The following SLC17A5 variants were observed in gnomAD, a reference collection of about 807,000 sequenced individuals.
SLC17A5 encodes the protein sialin.
A neutral mutation model predicts 59.4 loss-of-function variants in SLC17A5; 47 were observed. The observed-to-expected ratio is 0.79, with a 90% CI of 0.63 to 1.01. The LOEUF is 1.01. Ranked by LOEUF, SLC17A5 falls within the 50% of genes least tolerant of loss-of-function variation. SLC17A5 has a pLI of 0.00. For synonymous variants in SLC17A5, 202 were observed against 210.7 expected, an observed-to-expected ratio of 0.96 and a Z score of 0.36; for missense variants, 522 against 595.5, an observed-to-expected ratio of 0.88 and a Z score of 1.28.
chr6:73,605,403 A>G, intron 9 of SLC17A5, among the ~76,000 whole-genome samples: 1 of 152,102 alleles, frequency 6.6e-6, no homozygotes, highest in East Asian at 1.9e-4. Flanking sequence ...CTAGTAGCGT[A>G]TTACACTGAA....
At chr6:73,598,757 C>T (rs1766931647) in intron 10 of SLC17A5, among the ~76,000 whole-genome samples, 3 of 151,934 alleles carry the variant, frequency 2.0e-5, no homozygotes, top group Admixed American at 2.0e-4. Flanking sequence ...CTTTGGGAGG[C>T]CGAGATGGGC....
chr6:73,598,110 A>G (rs1302548286), intron 10 of SLC17A5, among the ~76,000 whole-genome samples: 1 of 152,192 alleles, frequency 6.6e-6, no homozygotes, highest in Admixed American at 6.6e-5. Flanking sequence ...GGACAAAATA[A>G]TACTTCAGTG....
chr6:73,637,647 C>A (rs895282936), intron 4 of SLC17A5, among the ~76,000 whole-genome samples: 2 of 151,952 alleles, frequency 1.3e-5, no homozygotes, highest in Non-Finnish European at 2.9e-5. Flanking sequence ...TTCTTTTAAC[C>A]CTTATGTTAT....
chr6:73,602,440 AAAAT>A (rs1464506874), intron 9 of SLC17A5, among the ~76,000 whole-genome samples: 2 of 133,982 alleles, frequency 1.5e-5, no homozygotes, highest in Non-Finnish European at 3.2e-5. Flanking sequence ...ATCAATAAAA[AAAAT>A]AAAAATTAAC....
At chr6:73,602,002 G>A (rs1277137249) in intron 9 of SLC17A5, among the ~76,000 whole-genome samples, 3 of 152,082 alleles carry the variant, frequency 2.0e-5, no homozygotes, top group Non-Finnish European at 4.4e-5. Context: ...AGAAAGGGGG[G>A]AAAGGTGGGG....
chr6:73,625,522 C>A (rs1195888305), intron 6 of SLC17A5, among the ~76,000 whole-genome samples: 3 of 152,042 alleles, frequency 2.0e-5, no homozygotes, highest in Non-Finnish European at 4.4e-5. Context: ...CAAAGATGTA[C>A]AGATATAGGG....
At chr6:73,598,447 A>G (rs559887645) in intron 10 of SLC17A5, among the ~76,000 whole-genome samples, 33 of 151,568 alleles carry the variant, frequency 2.2e-4, no homozygotes, top group Non-Finnish European at 4.7e-4. Context: ...CCTGGCCAAC[A>G]TGGTGAAACC....
chr6:73,612,641 C>G (rs1040705496), intron 8 of SLC17A5, among the ~76,000 whole-genome samples: 1 of 152,124 alleles, frequency 6.6e-6, no homozygotes, highest in African/African-American at 2.4e-5. Flanking sequence ...GTGTTGTGAT[C>G]ATAGCTCTCT....
At chr6:73,601,056 A>T (rs1235475911) in intron 9 of SLC17A5, among the ~76,000 whole-genome samples, 1 of 145,828 alleles carries the variant, frequency 6.9e-6, no homozygotes, top group Non-Finnish European at 1.5e-5. Flanking sequence ...CTGGAAAGTG[A>T]GGAGCGTCTC....
chr6:73,643,903 C>G (rs1335582247), intron 2 of SLC17A5, among the ~76,000 whole-genome samples: 2 of 152,088 alleles, frequency 1.3e-5, no homozygotes, highest in African/African-American at 4.8e-5. Context: ...TTTATTAATA[C>G]CACTATAACA....
intron 10 of SLC17A5, among the ~76,000 whole-genome samples, chr6:73,598,749 T>C (rs1209610914): frequency 6.6e-6 from 1 of 152,048 alleles, no homozygotes; most frequent in African/African-American, 2.4e-5. Context: ...TCCCAGCACT[T>C]TGGGAGGCCG....
At chr6:73,595,683 G>C (rs1766759369) in intron 10 of SLC17A5, among the ~76,000 whole-genome samples, 1 of 152,064 alleles carries the variant, frequency 6.6e-6, no homozygotes, top group Non-Finnish European at 1.5e-5. Flanking sequence ...AATTCATCTA[G>C]CTGCACACTT....
intron 6 of SLC17A5, among the ~76,000 whole-genome samples, chr6:73,633,846 C>G (rs944769830): frequency 1.3e-5 from 2 of 151,434 alleles, no homozygotes; most frequent in Non-Finnish European, 1.5e-5. Context: ...TGCCACTACA[C>G]TCCAGCCTGG....
At chr6:73,635,023 T>A (rs1768928165) in intron 6 of SLC17A5, among the ~76,000 whole-genome samples, 1 of 146,166 alleles carries the variant, frequency 6.8e-6, no homozygotes, top group African/African-American at 2.7e-5. Context: ...TATAAAACTA[T>A]ACTTTCTATA....
At chr6:73,638,004 G>A (rs927644101) in intron 4 of SLC17A5, among the ~76,000 whole-genome samples, 21 of 151,702 alleles carry the variant, frequency 1.4e-4, no homozygotes, top group African/African-American at 5.1e-4. Flanking sequence ...AATCAAAACA[G>A]AAATCACAAT....
At position 73,623,265 on chromosome 6, in the gene SLC17A5, C is replaced by T. The variant is rs534980955; in HGVS notation, c.820-1303G>A. On this transcript the variant is annotated intron_variant, in intron 6 of 10. Transcript: ENST00000355773. Reference sequence around the variant, plus strand: ...TGTTGCCCAGGCTGGTCTCGAACTCCTGACCTCAGGTGATCCACCTGCCTT... The same window carrying T: ...TGTTGCCCAGGCTGGTCTCGAACTCTTGACCTCAGGTGATCCACCTGCCTT... 2.0e-5 allele frequency among the ~76,000 whole-genome samples: 3 copies of T among 152,276 alleles called. No homozygotes were observed. In the South Asian group the frequency reaches 6.2e-4, roughly 32 times the overall value.
At chr6:73,599,524 A>C (rs1321679832) in intron 10 of SLC17A5, among the ~76,000 whole-genome samples, 1 of 152,268 alleles carries the variant, frequency 6.6e-6, no homozygotes, top group African/African-American at 2.4e-5. Context: ...TGAAATGAAC[A>C]CATGGTAGTG....
intron 1 of SLC17A5, among the ~76,000 whole-genome samples, chr6:73,650,705 G>T (rs1157812416): frequency 6.8e-6 from 1 of 148,022 alleles, no homozygotes; most frequent in Non-Finnish European, 1.5e-5. Context: ...AAAAAAAAAA[G>T]AAAATAAAGT....
At chr6:73,653,326 C>CCT in intron 1 of SLC17A5, 1 of 985,480 alleles carries the variant, frequency 1.0e-6, no homozygotes, top group Non-Finnish European at 1.2e-6. Context: ...GAAGGACAGC[C>CCT]CTCTGCCTAC....
Sources: allele counts gnomAD v4.1 joint callset (sites outside exome capture counted in the v4.1 genomes callset), GRCh38; gene constraint gnomAD v4.1.1; transcripts MANE v1.5; gene names NCBI Gene and HGNC (gene_info 2026-07-23, HGNC 2026-07-21).